APC: variants seen among roughly 807,000 people sequenced by gnomAD.
APC encodes APC regulator of Wnt signaling pathway, also known as adenomatous polyposis coli protein.
A neutral mutation model predicts 247.0 loss-of-function variants in APC; 72 were observed. That is an observed-to-expected ratio of 0.29 (90% confidence interval 0.24 to 0.35). The LOEUF (loss-of-function observed/expected upper bound fraction) is 0.35. APC is among the 10% of genes least tolerant of loss of function. The pLI, the probability that APC is intolerant of heterozygous loss-of-function variation, is 1.00. For missense variants in APC, 3,400 were observed against 3,360.7 expected (o/e 1.01, Z -0.29); for synonymous variants, 1,254 against 1,162.5 (o/e 1.08, Z -1.60).
intron 11 of APC, chr5:112,823,209 C>T (rs1298630671): frequency 6.6e-6 from 1 of 152,618 alleles, no homozygotes; most frequent in Non-Finnish European, 1.5e-5. Flanking sequence ...TGTAAATGTT[C>T]CTGTATTCCA....
chr5:112,739,584 C>T (rs183633525), intron 1 of APC, among the ~76,000 whole-genome samples: 168 of 152,284 alleles, frequency 1.1e-3, no homozygotes, highest in African/African-American at 3.9e-3. Flanking sequence ...AGGAGCCGGG[C>T]GTGGTGGCCC....
chr5:112,707,952 G>T, intron 1 of APC: 1 of 1,285,260 alleles, frequency 7.8e-7, no homozygotes, highest in South Asian at 1.4e-5. Flanking sequence ...GCCGCTGCTC[G>T]GGACCCTACG....
chr5:112,800,974 A>G (rs988183196), intron 7 of APC, among the ~76,000 whole-genome samples: 2 of 152,140 alleles, frequency 1.3e-5, no homozygotes. Context: ...TATTTGTTCT[A>G]CTTGGGTTAT....
At chr5:112,775,062 A>G (rs1757467354) in intron 4 of APC, among the ~76,000 whole-genome samples, 1 of 152,180 alleles carries the variant, frequency 6.6e-6, no homozygotes, top group African/African-American at 2.4e-5. Flanking sequence ...GTTTCTTAGT[A>G]CAGATTGCTA....
At chr5:112,783,423 A>G (rs1461605358) in intron 6 of APC, among the ~76,000 whole-genome samples, 3 of 152,168 alleles carry the variant, frequency 2.0e-5, no homozygotes, top group Non-Finnish European at 4.4e-5. Flanking sequence ...AAAAAGGCAA[A>G]TAATGGAAAT....
At chr5:112,759,560 G>GT (rs1755421445) in intron 2 of APC, among the ~76,000 whole-genome samples, 1 of 151,938 alleles carries the variant, frequency 6.6e-6, no homozygotes, top group Non-Finnish European at 1.5e-5. Context: ...GTTTCGCCAT[G>GT]TTAGCCAGGA....
rs770021366 is a variant in APC, at chr5:112,845,100, G to A, written c.*974G>A. On this transcript the variant is annotated 3_prime_UTR_variant, in exon 16 of 16. Coordinates refer to ENST00000257430, the MANE Select transcript of APC (RefSeq NM_000038.6). ...TTTCTTCAGCTTCTATGCATTAAGAGTAAAATTCCTCTTACTGTAATAAAA... is the reference window on the plus strand; with the variant it reads ...TTTCTTCAGCTTCTATGCATTAAGAATAAAATTCCTCTTACTGTAATAAAA... 3.9e-5 allele frequency: 9 copies of A among 232,288 alleles called. No homozygotes were observed. The highest frequency in any genetic ancestry group is 6.8e-5 in the Non-Finnish European group (8 of 117,268). The allele number at this position is 232,288 out of a possible 1,614,324, so 14.4% of individuals were successfully genotyped here. A position where few individuals can be genotyped will look rare whatever the true frequency, so the allele number is the denominator to read the frequency against.
chr5:112,835,517 C>G (rs1764792203), intron 15 of APC, among the ~76,000 whole-genome samples: 1 of 150,940 alleles, frequency 6.6e-6, no homozygotes, highest in Admixed American at 6.6e-5. Flanking sequence ...GAGCGTGATC[C>G]AGAGAATATA....
intron 5 of APC, chr5:112,777,799 C>G (rs1394207915): frequency 3.9e-6 from 1 of 256,384 alleles, no homozygotes; most frequent in Non-Finnish European, 8.2e-6. Context: ...CCACTGCTGT[C>G]TGTGGCACCA....
Position 112,839,458 on chromosome 5 carries a change from A to T in APC, c.3864A>T (p.Gly1288=), listed in dbSNP as rs2149900810. 1.2e-6 allele frequency: 2 copies of T among 1,614,194 alleles called. No homozygotes were observed. Among genetic ancestry groups the T allele is most frequent in the Non-Finnish European group, 1.7e-6 (2 of 1,180,018 alleles). Residue 1288 remains glycine, a synonymous_variant, in exon 16 of 16, where the codon GGA becomes GGT. Coordinates refer to ENST00000257430, the MANE Select transcript of APC (RefSeq NM_000038.6). This position sits in a 1 kb window ranked among gnomAD's most constrained non-coding sequence, Gnocchi z 5.0. ...SSLSSAEDEI[G]CNQTTQEADS... is the part of the protein sequence containing the mutation. ...TGTCATCAGCTGAAGATGAAATAGGATGTAATCAGACGACACAGGAAGCAG... is the reference window on the plus strand; with the variant it reads ...TGTCATCAGCTGAAGATGAAATAGGTTGTAATCAGACGACACAGGAAGCAG...
intron 6 of APC, among the ~76,000 whole-genome samples, chr5:112,782,437 A>T (rs1758451564): frequency 6.6e-6 from 1 of 152,168 alleles, no homozygotes; most frequent in Admixed American, 6.5e-5. Flanking sequence ...TGGAAGGCTA[A>T]GGTGCTACTA....
At chr5:112,767,495 CTT>C in intron 4 of APC, 105 bp downstream of exon 4, 1 of 897,692 alleles carries the variant, frequency 1.1e-6, no homozygotes, top group Non-Finnish European at 1.7e-6. Context: ...ATAGCTAACA[CTT>C]AGAGCATTTT....
intron 1 of APC, among the ~76,000 whole-genome samples, chr5:112,727,204 T>C (rs1021276156): frequency 1.3e-5 from 2 of 151,968 alleles, no homozygotes; most frequent in Non-Finnish European, 2.9e-5. Flanking sequence ...TTCATTTTAC[T>C]TAATAGTAAG....
intron 1 of APC, among the ~76,000 whole-genome samples, chr5:112,718,500 T>A (rs1016666969): frequency 7.9e-5 from 12 of 152,220 alleles, no homozygotes; most frequent in African/African-American, 2.9e-4. Context: ...TTCACTGCAG[T>A]CCTCACCCTT....
chr5:112,761,354 G>A (rs1384629018), intron 2 of APC, among the ~76,000 whole-genome samples: 1 of 151,650 alleles, frequency 6.6e-6, no homozygotes, highest in African/African-American at 2.4e-5. Context: ...TAGTAGTCAA[G>A]GATTTTAACA....
intron 8 of APC, among the ~76,000 whole-genome samples, chr5:112,804,890 A>AGGTCCTGTGTG (rs1761212020): frequency 6.6e-6 from 1 of 152,098 alleles, no homozygotes; most frequent in Non-Finnish European, 1.5e-5. Flanking sequence ...GCCGTGTGGG[A>AGGTCCTGTGTG]GGATCACTTG....
rs1554085234 is a variant in APC, at chr5:112,839,287, C to G, written c.3693C>G (p.Leu1231=). The G allele has an allele frequency of 6.2e-7, 1 of 1,614,106 alleles. No individual in the cohort carries two copies. Among genetic ancestry groups the G allele is most frequent in the Non-Finnish European group, 8.5e-7 (1 of 1,180,016 alleles). Residue 1231 remains leucine, a synonymous_variant, in exon 16 of 16, where the codon CTC becomes CTG. Transcript: ENST00000257430. This position sits in a 1 kb window ranked among gnomAD's most constrained non-coding sequence, Gnocchi z 5.0. ...CTAATGCCAAGAGGCAGAATCAGCT[C>G]CATCCAAGTTCTGCACAGAGTAGAA... is the stretch of plus-strand genomic sequence containing the variant. ...PSSNAKRQNQ[L]HPSSAQSRSG... is the part of the protein sequence containing the mutation.
At chr5:112,741,148 T>C (rs1434180827) in intron 1 of APC, among the ~76,000 whole-genome samples, 1 of 152,036 alleles carries the variant, frequency 6.6e-6, no homozygotes, top group African/African-American at 2.4e-5. Context: ...AATGCTGGAG[T>C]CAAATAAGAC....
At chr5:112,821,322 A>G (rs527580165) in intron 10 of APC, among the ~76,000 whole-genome samples, 10 of 152,270 alleles carry the variant, frequency 6.6e-5, no homozygotes, top group African/African-American at 2.2e-4. Flanking sequence ...CCTGGGCAAC[A>G]TAGCAAGACC....
Sources: gnomAD v4.1 joint callset for allele counts (sites outside exome capture counted in the v4.1 genomes callset) on GRCh38, gnomAD v4.1.1 for gene constraint, Gnocchi (gnomAD v3.1) non-coding constraint, MANE v1.5 for transcripts, NCBI Gene and HGNC (gene_info 2026-07-23, HGNC 2026-07-21) for gene names.